Variants in GDAP1L1 observed in about 807,000 individuals in gnomAD.
GDAP1L1 encodes the protein ganglioside-induced differentiation-associated protein 1-like 1.
A neutral mutation model predicts 37.1 loss-of-function variants in GDAP1L1; 21 were observed. The ratio of observed to expected loss-of-function variants is 0.57; its 90% CI spans 0.40 to 0.81. The LOEUF is 0.81. Ranked by LOEUF, GDAP1L1 falls within the 40% of genes least tolerant of loss-of-function variation. GDAP1L1 has a pLI of 0.00. For missense variants in GDAP1L1, 362 were observed against 491.6 expected (o/e 0.74, Z 2.49); for synonymous variants, 193 against 209.1 (o/e 0.92, Z 0.67).
At chr20:44,268,045 A>G (rs1200720383) in intron 5 of GDAP1L1, among the ~76,000 whole-genome samples, 2 of 152,232 alleles carry the variant, frequency 1.3e-5, no homozygotes, top group South Asian at 2.1e-4. Context: ...CTGGGCCCAC[A>G]TGGCCTCGGT....
intron 1 of GDAP1L1, among the ~76,000 whole-genome samples, chr20:44,254,163 T>A (rs1197530465): frequency 6.6e-6 from 1 of 152,174 alleles, no homozygotes; most frequent in Non-Finnish European, 1.5e-5. Flanking sequence ...AATATACACA[T>A]GCATACCTGC....
intron 5 of GDAP1L1, among the ~76,000 whole-genome samples, chr20:44,274,952 G>T (rs1303284284): frequency 1.3e-5 from 2 of 152,174 alleles, no homozygotes; most frequent in Admixed American, 6.5e-5. Context: ...GAGTGCGGTG[G>T]TGTGAAAAAG....
At chr20:44,247,597 G>A (rs1600520420) in intron 1 of GDAP1L1, 83 bp downstream of exon 1, 1 of 1,305,708 alleles carries the variant, frequency 7.7e-7, no homozygotes, top group East Asian at 2.7e-5. Context: ...ATCTGAGGGC[G>A]GCGAAAGACT....
intron 4 of GDAP1L1, 57 bp from the exon 5 acceptor site, chr20:44,264,388 A>G: frequency 7.1e-7 from 1 of 1,409,534 alleles, no homozygotes; most frequent in South Asian, 1.8e-5. Flanking sequence ...TCCATCCCTG[A>G]ACATCCTGGC....
At chr20:44,247,956 C>A (rs962769160) in intron 1 of GDAP1L1, among the ~76,000 whole-genome samples, 5 of 152,064 alleles carry the variant, frequency 3.3e-5, no homozygotes, top group African/African-American at 1.2e-4. Context: ...TGCACGCTGC[C>A]GTCCCGGACA....
intron 1 of GDAP1L1, among the ~76,000 whole-genome samples, chr20:44,255,571 A>AAAG (rs2073524583): frequency 7.0e-6 from 1 of 141,972 alleles, no homozygotes; most frequent in Non-Finnish European, 1.5e-5. Flanking sequence ...AAAAAAAAAA[A>AAAG]GTAAAGCTAC....
chr20:44,277,017 TTTTA>T (rs953029478), intron 5 of GDAP1L1, among the ~76,000 whole-genome samples: 22 of 152,128 alleles, frequency 1.4e-4, no homozygotes, highest in Admixed American at 4.6e-4. Context: ...TTTTTTTAAT[TTTTA>T]TTTATTTATT....
At chr20:44,273,691 C>A (rs2062543726) in intron 5 of GDAP1L1, among the ~76,000 whole-genome samples, 1 of 152,200 alleles carries the variant, frequency 6.6e-6, no homozygotes, top group Non-Finnish European at 1.5e-5. Flanking sequence ...GTATTCATGA[C>A]TGCAAGCCTT....
At chr20:44,263,112 G>A (rs764804343) in intron 3 of GDAP1L1, 118 bp from the exon 4 acceptor site, 45 of 772,292 alleles carry the variant, frequency 5.8e-5, no homozygotes, top group African/African-American at 2.4e-4. Context: ...GTTGGCTGTC[G>A]ACAGTATTAC....
chr20:44,265,884 G>C (rs1194960176), intron 5 of GDAP1L1, among the ~76,000 whole-genome samples: 1 of 152,152 alleles, frequency 6.6e-6, no homozygotes, highest in Non-Finnish European at 1.5e-5. Context: ...TCTCACAACT[G>C]ATGCCACAAG....
intron 5 of GDAP1L1, chr20:44,264,891 T>C (rs1408135297): frequency 1.9e-6 from 2 of 1,063,454 alleles, no homozygotes; most frequent in Admixed American, 5.3e-5. Context: ...AGGTGTTTAA[T>C]AAAGGTAGGT....
chr20:44,263,100 G>A, intron 3 of GDAP1L1, 130 bp from the exon 4 acceptor site: 1 of 729,420 alleles, frequency 1.4e-6, no homozygotes, highest in Middle Eastern at 3.3e-4. Flanking sequence ...TGCTCCCTAA[G>A]TGTTGGCTGT....
At chr20:44,272,008 G>C (rs6017309) in intron 5 of GDAP1L1, among the ~76,000 whole-genome samples, 7 of 151,984 alleles carry the variant, frequency 4.6e-5, no homozygotes, top group Non-Finnish European at 1.0e-4. Flanking sequence ...GTGATGACTC[G>C]CAGAGAGGAG....
intron 1 of GDAP1L1, 66 bp from the exon 2 acceptor site, chr20:44,257,087 G>T: frequency 6.8e-7 from 1 of 1,465,838 alleles, no homozygotes; most frequent in East Asian, 2.5e-5. Flanking sequence ...GCACACCCCC[G>T]CCCCACCTGG....
At position 44,263,390 on chromosome 20, in the gene GDAP1L1, A is replaced by G. The variant is rs2073708097; in HGVS notation, c.645+63A>G. 2.7e-6 allele frequency: 3 copies of G among 1,101,470 alleles called. No homozygotes were observed. In the Admixed American group the frequency reaches 5.4e-5, roughly 20 times the overall value. The allele number at this position is 1,101,470 out of a possible 1,614,324, so 68.2% of individuals were successfully genotyped here. A position where few individuals can be genotyped will look rare whatever the true frequency, so the allele number is the denominator to read the frequency against. ...GAGCTCTTCCACGGAAATGAACAAT[A>G]GGAGAAACTAAGTAGAAGATCAGCT... On this transcript the variant is annotated intron_variant, in intron 4 of 5. Coordinates refer to ENST00000342560, the MANE Select transcript of GDAP1L1 (RefSeq NM_024034.6).
rs2062632394 is a variant in GDAP1L1, at chr20:44,280,902, TA to T, written c.*1604del. 1 of 152,228 alleles carries T rather than the reference TA, an allele frequency of 6.6e-6. No individual in the cohort carries two copies. The highest frequency in any genetic ancestry group is 1.5e-5 in the Non-Finnish European group (1 of 68,050). The allele number at this position is 152,228 out of a possible 1,614,324, so 9.4% of individuals were successfully genotyped here. ...AATCAGGAGTATAATGTGTAGAATA[TA>T]AGGCATGGTTTTACTTATTTTGCAA... On this transcript the variant is annotated 3_prime_UTR_variant, in exon 6 of 6. Transcript: ENST00000342560.
chr20:44,272,011 G>A (rs1488310543), intron 5 of GDAP1L1, among the ~76,000 whole-genome samples: 1 of 152,162 alleles, frequency 6.6e-6, no homozygotes, highest in East Asian at 1.9e-4. Flanking sequence ...ATGACTCGCA[G>A]AGAGGAGCTG....
At chr20:44,278,903 AGT>A in intron 5 of GDAP1L1, 52 bp from the exon 6 acceptor site, 2 of 1,141,006 alleles carry the variant, frequency 1.8e-6, no homozygotes, top group Non-Finnish European at 1.3e-6. Flanking sequence ...GAGAGAAGCA[AGT>A]GTGTGTGTTA....
chr20:44,249,723 T>C (rs557170715), intron 1 of GDAP1L1, among the ~76,000 whole-genome samples: 10 of 152,338 alleles, frequency 6.6e-5, no homozygotes, highest in Middle Eastern at 3.4e-3. Context: ...CTGGCCAAGC[T>C]AACCTGGGCA....
Sources: gnomAD v4.1 joint callset for allele counts (sites outside exome capture counted in the v4.1 genomes callset) on GRCh38, gnomAD v4.1.1 for gene constraint, MANE v1.5 for transcripts, NCBI Gene and HGNC (gene_info 2026-07-23, HGNC 2026-07-21) for gene names.